PCDHGA3: variants seen among roughly 807,000 people sequenced by gnomAD.
PCDHGA3 encodes protocadherin gamma subfamily A, 3.
Under a neutral mutation model 58.5 loss-of-function variants are expected in PCDHGA3, and 40 were observed. That is an observed-to-expected ratio of 0.68 (90% CI 0.53 to 0.89). The LOEUF (loss-of-function observed/expected upper bound fraction) is 0.89, where lower values mean the gene tolerates loss of function less well. Ranked by LOEUF, PCDHGA3 falls within the 40% of genes least tolerant of loss-of-function variation. The pLI, the probability that PCDHGA3 is intolerant of heterozygous loss-of-function variation, is 0.00. For missense variants in PCDHGA3, 1,223 were observed against 1,195.9 expected (o/e 1.02, Z -0.33); for synonymous variants, 530 against 525.7 (o/e 1.01, Z -0.11).
At chr5:141,419,325 AC>A (rs768622826) in intron 1 of PCDHGA3, 1 of 1,613,702 alleles carries the variant, frequency 6.2e-7, no homozygotes, top group Non-Finnish European at 8.5e-7. Context: ...CGTGTCTCCT[AC>A]TCTCTCATTG....
chr5:141,459,573 T>TTC (rs2098970689), intron 1 of PCDHGA3, among the ~76,000 whole-genome samples: 1 of 152,208 alleles, frequency 6.6e-6, no homozygotes, highest in Non-Finnish European at 1.5e-5. Context: ...CAAAACAGAA[T>TTC]TGTTTTGGGG....
chr5:141,348,847 C>A (rs1408351046), intron 1 of PCDHGA3, among the ~76,000 whole-genome samples: 1 of 152,086 alleles, frequency 6.6e-6, no homozygotes, highest in African/African-American at 2.4e-5. Context: ...TGGGTGAGCA[C>A]TGCAAAATAG....
Position 141,390,370 on chromosome 5 carries a change from A to T in PCDHGA3, c.2424+43913A>T, listed in dbSNP as rs1252386186. On this transcript the variant is annotated intron_variant, in intron 1 of 3. Coordinates refer to ENST00000253812, the MANE Select transcript of PCDHGA3 (RefSeq NM_018916.4). ...AATATACATATTTGCAGGAAAATAT[A>T]TAATTTTTAGATGTCATGGATCATT... 4 of 1,504,066 alleles carry T rather than the reference A, an allele frequency of 2.7e-6. No individual in the cohort carries two copies. In the African/African-American group the frequency reaches 4.2e-5, roughly 16 times the overall value. The allele number at this position is 1,504,066 out of a possible 1,614,324, so 93.2% of individuals were successfully genotyped here. A position where few individuals can be genotyped will look rare whatever the true frequency, so the allele number is the denominator to read the frequency against.
rs1349189547 is a variant in PCDHGA3 at position 141,432,777 on chromosome 5, C to T, written c.2425-62030C>T. Reference sequence around the variant, plus strand: ...GCCGACAGCATCCCCCAAGTCCTGGCGGACCTCGGCAGCCTCGAGTCTCCA... The same window carrying T: ...GCCGACAGCATCCCCCAAGTCCTGGTGGACCTCGGCAGCCTCGAGTCTCCA... On this transcript the variant is annotated intron_variant, in intron 1 of 3. Coordinates refer to ENST00000253812, the MANE Select transcript of PCDHGA3 (RefSeq NM_018916.4). This position sits in a 1 kb window ranked among gnomAD's most constrained non-coding sequence, Gnocchi z 6.0. The T allele has an allele frequency of 6.2e-6, 10 of 1,614,154 alleles. No individual in the cohort carries two copies. The highest frequency in any genetic ancestry group is 7.6e-6 in the Non-Finnish European group (9 of 1,179,992).
At chr5:141,448,710 G>T (rs897054829) in intron 1 of PCDHGA3, among the ~76,000 whole-genome samples, 1 of 152,162 alleles carries the variant, frequency 6.6e-6, no homozygotes, top group Non-Finnish European at 1.5e-5. Flanking sequence ...GGAGGCCGAG[G>T]CGGGAGGATC....
chr5:141,374,944 G>A (rs1405459227), intron 1 of PCDHGA3: 6 of 1,614,018 alleles, frequency 3.7e-6, no homozygotes, highest in Non-Finnish European at 5.1e-6. Context: ...TTACAGAAAA[G>A]ATCTCACAAA....
chr5:141,417,556 A>G, intron 1 of PCDHGA3: 1 of 333,096 alleles, frequency 3.0e-6, no homozygotes, highest in Non-Finnish European at 5.4e-6. Flanking sequence ...TGAAAGAGGT[A>G]GAGAAAAGTC....
At position 141,421,681 on chromosome 5, in the gene PCDHGA3, C is replaced by T. The variant is rs750692137; in HGVS notation, c.2425-73126C>T. 4 of 1,613,858 alleles carry T rather than the reference C, an allele frequency of 2.5e-6. No homozygotes were observed. In the South Asian group the frequency reaches 4.4e-5, roughly 18 times the overall value. Reference sequence around the variant, plus strand: ...CAGTGAGCACGCAATTCCTGGGGCGCGATTTGCTCTTCCTAATGCTAGGGA... The same window carrying T: ...CAGTGAGCACGCAATTCCTGGGGCGTGATTTGCTCTTCCTAATGCTAGGGA... On this transcript the variant is annotated intron_variant, in intron 1 of 3. Coordinates refer to ENST00000253812, the MANE Select transcript of PCDHGA3 (RefSeq NM_018916.4).
intron 1 of PCDHGA3, chr5:141,404,463 A>C: frequency 6.2e-7 from 1 of 1,612,548 alleles, no homozygotes. Flanking sequence ...CTCTCCACCT[A>C]TGTCTCTATT....
At chr5:141,428,004 G>C in intron 1 of PCDHGA3, 1 of 1,601,732 alleles carries the variant, frequency 6.2e-7, no homozygotes, top group East Asian at 2.2e-5. Context: ...CGCACTCTTC[G>C]ATATAGTGCC....
At chr5:141,376,318 G>C (rs373956139) in intron 1 of PCDHGA3, 6 of 1,614,200 alleles carry the variant, frequency 3.7e-6, no homozygotes, top group East Asian at 4.5e-5. Context: ...GCGTGGAAGG[G>C]GTTCGGGCTT....
intron 1 of PCDHGA3, chr5:141,374,279 A>G: frequency 6.2e-7 from 1 of 1,614,000 alleles, no homozygotes; most frequent in Non-Finnish European, 8.5e-7. Context: ...CGGAGTCCGC[A>G]TCGTCTCCAG....
At position 141,491,825 on chromosome 5, in the gene PCDHGA3, C is replaced by A. The variant is rs948385010; in HGVS notation, c.2425-2982C>A. ...CGGCTTGGTCGCTGGCTGCGCTCCA[C>A]CCGATTCTCGGGATCATTGGACCGT... On this transcript the variant is annotated intron_variant, in intron 1 of 3. Coordinates refer to ENST00000253812, the MANE Select transcript of PCDHGA3 (RefSeq NM_018916.4). This position sits in a 1 kb window ranked among gnomAD's most constrained non-coding sequence, Gnocchi z 6.9. 145 of 1,478,052 alleles carry A rather than the reference C, an allele frequency of 9.8e-5. No homozygotes were observed. Among genetic ancestry groups the A allele is most frequent in the Non-Finnish European group, 1.3e-4 (142 of 1,114,822 alleles). 91.6% of individuals were successfully genotyped at this position (1,478,052 alleles called of 1,614,324 possible). A position where few individuals can be genotyped will look rare whatever the true frequency, so the allele number is the denominator to read the frequency against.
At chr5:141,408,401 C>T in intron 1 of PCDHGA3, 2 of 1,614,010 alleles carry the variant, frequency 1.2e-6, no homozygotes, top group Non-Finnish European at 8.5e-7. Context: ...TCGCAAGCTG[C>T]GAGTGAGCGC....
chr5:141,443,235 C>G (rs1182428300), intron 1 of PCDHGA3, among the ~76,000 whole-genome samples: 2 of 151,642 alleles, frequency 1.3e-5, no homozygotes, highest in East Asian at 1.9e-4. Flanking sequence ...AATCTTAGCA[C>G]TTTGGGGCGC....
chr5:141,419,121 C>T, intron 1 of PCDHGA3: 5 of 1,613,882 alleles, frequency 3.1e-6, no homozygotes, highest in Non-Finnish European at 3.4e-6. Flanking sequence ...TACAACGTCA[C>T]CATCGCAGCC....
chr5:141,370,554 C>G, intron 1 of PCDHGA3: 2 of 1,613,894 alleles, frequency 1.2e-6, no homozygotes, highest in Non-Finnish European at 1.7e-6. Flanking sequence ...CGCCAAGGAC[C>G]TGGGGTTTGG....
At chr5:141,415,656 T>C (rs1211470385) in intron 1 of PCDHGA3, 9 of 1,585,542 alleles carry the variant, frequency 5.7e-6, no homozygotes, top group African/African-American at 1.4e-5. Flanking sequence ...AAAAAAAGAT[T>C]GGTTTTTACT....
At chr5:141,361,847 G>A (rs763425262) in intron 1 of PCDHGA3, 2 of 1,612,544 alleles carry the variant, frequency 1.2e-6, no homozygotes, top group South Asian at 1.1e-5. Context: ...GGGCCTGATG[G>A]CTCCGCCCTC....
Sources: allele counts gnomAD v4.1 joint callset (sites outside exome capture counted in the v4.1 genomes callset), GRCh38; gene constraint gnomAD v4.1.1; non-coding constraint Gnocchi (gnomAD v3.1); transcripts MANE v1.5; gene names NCBI Gene and HGNC (gene_info 2026-07-23, HGNC 2026-07-21).